The following HUWE1 variants were observed in gnomAD, a reference collection of about 807,000 sequenced individuals.
HUWE1 encodes the protein HECT, UBA and WWE domain containing E3 ubiquitin protein ligase 1, also known as E3 ubiquitin-protein ligase HUWE1.
Under a neutral mutation model 299.4 loss-of-function variants are expected in HUWE1, and 18 were observed. That is an observed-to-expected ratio of 0.06 (90% CI 0.04 to 0.09). The LOEUF (loss-of-function observed/expected upper bound fraction) is 0.09. Ranked by LOEUF, HUWE1 falls within the 10% of genes least tolerant of loss-of-function variation. The pLI, the probability that HUWE1 is intolerant of heterozygous loss-of-function variation, is 1.00. For synonymous variants in HUWE1, 1,317 were observed against 1,286.1 expected, an observed-to-expected ratio of 1.02 and a Z score of -0.51; for missense variants, 1,832 against 3,462.3, an observed-to-expected ratio of 0.53 and a Z score of 11.82.
intron 28 of HUWE1, among the ~76,000 whole-genome samples, chrX:53,601,478 CT>C (rs1419296044): frequency 9.0e-6 from 1 of 110,609 alleles, no homozygotes; most frequent in Non-Finnish European, 1.9e-5. Context: ...GCCACTGTGC[CT>C]GGCCTGATGC....
chrX:53,547,845 T>A lies in HUWE1; in HGVS notation c.10464A>T (p.Ser3488=). Residue 3488 remains serine (S), a synonymous_variant, in exon 68 of 84, where the codon TCA becomes TCT. Transcript: ENST00000262854. ...SGASSTTTAT[S]TTSTTTTTAA... The stretch of plus-strand genomic sequence containing the variant: ...CAGTGGTGGTGGTGGTAGATGTGGT[T>A]GAGGTGGCAGTGGTGGTGGAGGAAG... 1.7e-6 allele frequency: 2 copies of A among 1,201,534 alleles called. No homozygotes were observed. The highest frequency in any genetic ancestry group is 1.1e-6 in the Non-Finnish European group (1 of 889,872).
At chrX:53,599,949 G>A (rs1358450058) in intron 29 of HUWE1, among the ~76,000 whole-genome samples, 169 bp downstream of exon 29, 1 of 112,175 alleles carries the variant, frequency 8.9e-6, no homozygotes, top group Non-Finnish European at 1.9e-5. Context: ...ATCCGTAGCA[G>A]CTAGTACAAA....
At chrX:53,597,493 G>A (rs2064554900) in intron 29 of HUWE1, among the ~76,000 whole-genome samples, 1 of 89,110 alleles carries the variant, frequency 1.1e-5, no homozygotes, top group Non-Finnish European at 2.2e-5. Flanking sequence ...TAACTTCCGA[G>A]CCTTGAAGGA....
At chrX:53,578,891 C>T (rs1602800144) in intron 43 of HUWE1, among the ~76,000 whole-genome samples, 4 of 71,541 alleles carry the variant, frequency 5.6e-5, no homozygotes, top group South Asian at 8.2e-4. Context: ...CCGCCCCGTC[C>T]GGGAGGGAGG....
At chrX:53,538,276 G>A (rs889612759) in intron 77 of HUWE1, 61 bp downstream of exon 77, 158 of 784,417 alleles carry the variant, frequency 2.0e-4, no homozygotes, top group Non-Finnish European at 2.9e-4. Context: ...AACTTCAGAG[G>A]CGAGTTACCA....
At position 53,533,126 on chromosome X, in the gene HUWE1, G is replaced by A. The variant is rs2060842592; in HGVS notation, c.*183C>T. Reference sequence around the variant, plus strand: ...AGAGAAGGTGAGGAAACAGGCGGCGGGGAGAGAATGAGAAGAGGAACAGGT... The same window carrying A: ...AGAGAAGGTGAGGAAACAGGCGGCGAGGAGAGAATGAGAAGAGGAACAGGT... On this transcript the variant is annotated 3_prime_UTR_variant, in exon 84 of 84. Transcript: ENST00000262854. The A allele has an allele frequency of 2.2e-6, 1 of 449,138 alleles. No homozygotes were observed. The highest frequency in any genetic ancestry group is 4.0e-6 in the Non-Finnish European group (1 of 250,633). The allele number at this position is 449,138 out of a possible 1,213,427, so 37.0% of individuals were successfully genotyped here.
Position 53,590,088 on chromosome X carries a change from A to G in HUWE1, c.4192-272T>C, listed in dbSNP as rs1305440845. Among the ~76,000 whole-genome samples the G allele has an allele frequency of 4.5e-5, 5 of 112,178 alleles. No individual in the cohort carries two copies. The Admixed American group carries it at 4.7e-4, about 11-fold the overall frequency. ...AAATCATTTCTAGACACTGTTCTAT[A>G]TTCTGTGCCAGCAGGGAAAATTAAA... On this transcript the variant is annotated intron_variant, in intron 35 of 83. Transcript: ENST00000262854.
At chrX:53,648,530 C>CA (rs1235327907) in intron 4 of HUWE1, among the ~76,000 whole-genome samples, 232 of 94,762 alleles carry the variant, frequency 2.4e-3, no homozygotes, top group African/African-American at 5.2e-3. Context: ...GCTTAAAAAA[C>CA]AAAAAAAAAC....
intron 3 of HUWE1, among the ~76,000 whole-genome samples, chrX:53,655,973 A>G (rs782377446): frequency 1.8e-5 from 2 of 112,263 alleles, no homozygotes; most frequent in South Asian, 7.4e-4. Flanking sequence ...ATGTCAAAGG[A>G]TCATCCACAT....
intron 19 of HUWE1, among the ~76,000 whole-genome samples, chrX:53,619,081 C>T (rs1444619215): frequency 9.0e-6 from 1 of 111,338 alleles, no homozygotes; most frequent in Non-Finnish European, 1.9e-5. Context: ...ATGGTGATGC[C>T]TAAGATCTAA....
At position 53,546,605 on chromosome X, in the gene HUWE1, A is replaced by C. The variant is rs375946591; in HGVS notation, c.10759-13T>G. On this transcript the variant is annotated splice_polypyrimidine_tract_variant and intron_variant, in intron 69 of 83. Coordinates refer to ENST00000262854, the MANE Select transcript of HUWE1 (RefSeq NM_031407.7). The stretch of plus-strand genomic sequence containing the variant: ...GGGATGTCAACACCTGAGAAAAAGA[A>C]GACAGAAGGAGTAAGCCCCAGCCTG... 19 of 1,207,622 alleles carry C rather than the reference A, an allele frequency of 1.6e-5. No homozygotes were observed. The highest frequency in any genetic ancestry group is 2.1e-5 in the Non-Finnish European group (19 of 893,912).
intron 60 of HUWE1, 23 bp downstream of exon 60, chrX:53,557,359 G>C: frequency 8.4e-7 from 1 of 1,187,200 alleles, no homozygotes. Flanking sequence ...TTAGTAAGAA[G>C]GGAGAAAGGG....
At chrX:53,581,665 A>AT (rs1265066640) in intron 42 of HUWE1, among the ~76,000 whole-genome samples, 1,660 of 107,155 alleles carry the variant, frequency 0.015, 37 homozygotes, top group African/African-American at 0.054. Flanking sequence ...TGGTATCTTA[A>AT]TTTTTTTTTT....
At chrX:53,579,155 GGA>G (rs1556963834) in intron 43 of HUWE1, among the ~76,000 whole-genome samples, 1 of 70,047 alleles carries the variant, frequency 1.4e-5, no homozygotes, top group South Asian at 9.1e-4. Flanking sequence ...TGGGAAGTGA[GGA>G]CCCCTCTGCC....
Position 53,549,383 on chromosome X carries a change from C to T in HUWE1, c.9611G>A (p.Arg3204His). ...FVDEPKLNTS[R>H]LHRVLRNLCY... ...GAGATTTCTCAGTACTCGGTGTAGACGGCTAGTATTGAGCTTTGGCTCATC... is the reference window on the plus strand; with the variant it reads ...GAGATTTCTCAGTACTCGGTGTAGATGGCTAGTATTGAGCTTTGGCTCATC... Residue 3204 changes from arginine (R) to histidine (H), a missense_variant, in exon 67 of 84, where the codon CGT (arginine) becomes CAT (histidine). Arg to His is a conservative substitution (Grantham distance 29). Around this residue, in one of 15 missense-constraint regions of HUWE1, gnomAD observed 91 missense variants for 281.2 expected, o/e 0.32. Transcript: ENST00000262854. 8.3e-7 allele frequency: 1 copy of T among 1,210,867 alleles called. No individual in the cohort carries two copies. The highest frequency in any genetic ancestry group is 1.1e-6 in the Non-Finnish European group (1 of 895,110).
chrX:53,551,458 C>T lies in HUWE1; in HGVS notation c.8904G>A (p.Val2968=). 1 of 1,203,405 alleles carries T rather than the reference C, an allele frequency of 8.3e-7. No individual in the cohort carries two copies. The highest frequency in any genetic ancestry group is 1.1e-6 in the Non-Finnish European group (1 of 890,776). The stretch of plus-strand genomic sequence containing the variant: ...GCAGGGCAGCCAGAAAAGAGGGGTC[C>T]ACACCTTCAGGGAGACTGATACCTG... ...PLAGISLPEG[V]DPSFLAALPD... is the part of the protein sequence containing the mutation. Residue 2968 remains valine, a synonymous_variant, in exon 64 of 84, where the codon GTG becomes GTA. Transcript: ENST00000262854.
intron 36 of HUWE1, 115 bp downstream of exon 36, chrX:53,589,432 G>A: frequency 1.5e-6 from 1 of 685,988 alleles, no homozygotes. Flanking sequence ...TCCAAATAGA[G>A]AATATACCCA....
At chrX:53,620,801 T>C (rs1465820012) in intron 19 of HUWE1, among the ~76,000 whole-genome samples, 1 of 111,398 alleles carries the variant, frequency 9.0e-6, no homozygotes, top group African/African-American at 3.3e-5. Flanking sequence ...ACCTCCTCAT[T>C]TGATATTGGT....
At chrX:53,634,024 A>AT (rs782256000) in intron 8 of HUWE1, among the ~76,000 whole-genome samples, 3 of 111,834 alleles carry the variant, frequency 2.7e-5, no homozygotes, top group Admixed American at 9.5e-5. Context: ...TATTTCTCAG[A>AT]TTTTTTTATC....
Sources: gnomAD v4.1 joint callset for allele counts (sites outside exome capture counted in the v4.1 genomes callset) on GRCh38, gnomAD v4.1.1 for gene constraint, gnomAD v4.1.1 regional missense constraint, MANE v1.5 for transcripts, NCBI Gene and HGNC (gene_info 2026-07-23, HGNC 2026-07-21) for gene names.